TNPO1: variants seen among roughly 807,000 people sequenced by gnomAD.
TNPO1 encodes the protein transportin 1.
In TNPO1, 8 loss-of-function variants were observed where a neutral mutation model predicts 119.5. The observed-to-expected ratio is 0.07, with a 90% CI of 0.04 to 0.12. TNPO1 has a LOEUF of 0.12. Ranked by LOEUF, TNPO1 falls within the 10% of genes least tolerant of loss-of-function variation. TNPO1 has a pLI of 1.00. For missense variants in TNPO1, 576 were observed against 1,089.8 expected, an observed-to-expected ratio of 0.53 and a Z score of 6.64; for synonymous variants, 362 against 363.0, an observed-to-expected ratio of 1.00 and a Z score of 0.03.
At chr5:72,833,421 T>G (rs1210286086) in intron 1 of TNPO1, among the ~76,000 whole-genome samples, 1 of 152,144 alleles carries the variant, frequency 6.6e-6, no homozygotes, top group Non-Finnish European at 1.5e-5. Context: ...TGGGTCTTGA[T>G]TTCCCCATTT....
Position 72,861,822 on chromosome 5 carries a change from A to G in TNPO1, c.370A>G (p.Thr124Ala), listed in dbSNP as rs774704464. 6 of 1,613,576 alleles carry G rather than the reference A, an allele frequency of 3.7e-6. No individual in the cohort carries two copies. In the Admixed American group the frequency reaches 8.3e-5, roughly 22 times the overall value. ...IRATVGILIT[T>A]IASKGELQNW... ...TTTTGTTCAAGGTATTTTGATCACA[A>G]CTATAGCCTCCAAGGGAGAATTGCA... is the stretch of plus-strand genomic sequence containing the variant. Residue 124 changes from threonine to alanine, a missense_variant, in exon 5 of 25, where the codon ACT (threonine) becomes GCT (alanine). This residue lies in a region of TNPO1 where 310 missense variants were observed against 583.0 expected (regional missense o/e 0.53). Coordinates refer to ENST00000337273, the MANE Select transcript of TNPO1 (RefSeq NM_002270.4).
chr5:72,849,556 G>A (rs1019340461), intron 2 of TNPO1, among the ~76,000 whole-genome samples: 1 of 152,150 alleles, frequency 6.6e-6, no homozygotes, highest in Non-Finnish European at 1.5e-5. Context: ...TATTTACCCC[G>A]AGGGTTTCGC....
rs1750500190 is a variant in TNPO1, at chr5:72,910,664, G to A, written c.*1991G>A. ...ATAAGCAGTTGCTCCTCTTTGCATG[G>A]TTCTATTCTCTAAAAGTGTTGAATG... On this transcript the variant is annotated 3_prime_UTR_variant, in exon 25 of 25. Transcript: ENST00000337273. 2 of 152,428 alleles carry A rather than the reference G, an allele frequency of 1.3e-5. No homozygotes were observed. Among genetic ancestry groups the A allele is most frequent in the Admixed American group, 1.3e-4 (2 of 15,254 alleles). The allele number at this position is 152,428 out of a possible 1,614,324, so 9.4% of individuals were successfully genotyped here.
At position 72,897,900 on chromosome 5, in the gene TNPO1, T is replaced by C. The variant is rs554354524; in HGVS notation, c.2338+749T>C. 3.3e-5 allele frequency among the ~76,000 whole-genome samples: 5 copies of C among 152,232 alleles called. No homozygotes were observed. In the South Asian group the frequency reaches 1.0e-3, roughly 32 times the overall value. On this transcript the variant is annotated intron_variant, in intron 20 of 24. Coordinates refer to ENST00000337273, the MANE Select transcript of TNPO1 (RefSeq NM_002270.4). ...CCAAAATACTAGACAAAGATTAAAA[T>C]AAGGTTTTCCAAATAAGAAAGTTAC... is the stretch of plus-strand genomic sequence containing the variant.
At chr5:72,867,944 C>T (rs184427264) in intron 6 of TNPO1, among the ~76,000 whole-genome samples, 1 of 152,276 alleles carries the variant, frequency 6.6e-6, no homozygotes, top group Admixed American at 6.5e-5. Flanking sequence ...ACTTTGCTAT[C>T]ATTAATGATG....
At chr5:72,871,363 A>C (rs1376522434) in intron 6 of TNPO1, among the ~76,000 whole-genome samples, 1 of 152,228 alleles carries the variant, frequency 6.6e-6, no homozygotes, top group Admixed American at 6.5e-5. Flanking sequence ...TGAGCTCCCC[A>C]TAGTATGCTT....
intron 1 of TNPO1, among the ~76,000 whole-genome samples, chr5:72,821,793 G>A (rs1743969697): frequency 6.6e-6 from 1 of 152,162 alleles, no homozygotes; most frequent in African/African-American, 2.4e-5. Context: ...GGAGCATTTT[G>A]GGAACTAGGA....
intron 4 of TNPO1, among the ~76,000 whole-genome samples, chr5:72,858,398 G>T: frequency 6.6e-6 from 1 of 152,128 alleles, no homozygotes; most frequent in Non-Finnish European, 1.5e-5. Flanking sequence ...AAATAAGTTA[G>T]CTAAAAATGA....
chr5:72,896,759 T>G (rs1749459016), intron 19 of TNPO1, among the ~76,000 whole-genome samples: 1 of 151,954 alleles, frequency 6.6e-6, no homozygotes, highest in African/African-American at 2.4e-5. Flanking sequence ...ATCCCAACTA[T>G]TTGGGAGGCT....
chr5:72,820,722 A>G (rs146752289), intron 1 of TNPO1, among the ~76,000 whole-genome samples: 3 of 152,330 alleles, frequency 2.0e-5, no homozygotes, highest in African/African-American at 7.2e-5. Context: ...TATCATATAC[A>G]TATTCAGAAT....
In TNPO1 at chr5:72,914,237, AAG is replaced by A. The variant is rs1487775373; in HGVS notation, c.*5569_*5570del. 8 of 152,720 alleles carry A rather than the reference AAG, an allele frequency of 5.2e-5. No homozygotes were observed. Among genetic ancestry groups the A allele is most frequent in the Non-Finnish European group, 7.4e-5 (5 of 68,006 alleles). 9.5% of individuals were successfully genotyped at this position (152,720 alleles called of 1,614,324 possible). A position where few individuals can be genotyped will look rare whatever the true frequency, so the allele number is the denominator to read the frequency against. On this transcript the variant is annotated 3_prime_UTR_variant, in exon 25 of 25. Coordinates refer to ENST00000337273, the MANE Select transcript of TNPO1 (RefSeq NM_002270.4). ...ATTTTTGATAAGCTGCTGAATTTTAAAGAGAGTTTTTTGGGGCCACCAAATAT... is the reference window on the plus strand; with the variant it reads ...ATTTTTGATAAGCTGCTGAATTTTAAAGAGTTTTTTGGGGCCACCAAATAT...
chr5:72,829,960 C>G (rs1262029020), intron 1 of TNPO1, among the ~76,000 whole-genome samples: 1 of 152,100 alleles, frequency 6.6e-6, no homozygotes, highest in Non-Finnish European at 1.5e-5. Flanking sequence ...TTCCCTTGGC[C>G]TGATACCCCT....
chr5:72,867,936 T>C (rs1747048238), intron 6 of TNPO1, among the ~76,000 whole-genome samples: 1 of 152,206 alleles, frequency 6.6e-6, no homozygotes, highest in Non-Finnish European at 1.5e-5. Context: ...TTGATAATAC[T>C]TTGCTATCAT....
At chr5:72,891,549 C>T (rs1301117696) in intron 14 of TNPO1, among the ~76,000 whole-genome samples, 3 of 152,102 alleles carry the variant, frequency 2.0e-5, no homozygotes, top group African/African-American at 4.8e-5. Flanking sequence ...TATTGATAGA[C>T]TCTTTTTTTC....
At chr5:72,875,812 C>T (rs987671631) in intron 8 of TNPO1, 75 bp downstream of exon 8, 35 of 1,484,778 alleles carry the variant, frequency 2.4e-5, no homozygotes, top group South Asian at 6.3e-5. Context: ...TACAACATAC[C>T]GGATGGGAAG....
At chr5:72,845,721 T>C (rs1745098526) in intron 1 of TNPO1, among the ~76,000 whole-genome samples, 1 of 152,160 alleles carries the variant, frequency 6.6e-6, no homozygotes. Flanking sequence ...CTAAGCTGTT[T>C]GAAAAGAAAA....
intron 1 of TNPO1, among the ~76,000 whole-genome samples, chr5:72,820,617 A>G (rs975232868): frequency 6.6e-6 from 1 of 152,190 alleles, no homozygotes; most frequent in African/African-American, 2.4e-5. Flanking sequence ...ATAGGTAAGT[A>G]CTTTGTCCAA....
intron 8 of TNPO1, among the ~76,000 whole-genome samples, chr5:72,876,824 G>A (rs1180235999): frequency 2.0e-5 from 3 of 152,088 alleles, no homozygotes; most frequent in East Asian, 3.9e-4. Context: ...GCCGGGTGCG[G>A]TGGCTCACAC....
chr5:72,839,324 T>C (rs1744816953), intron 1 of TNPO1, among the ~76,000 whole-genome samples: 1 of 152,208 alleles, frequency 6.6e-6, no homozygotes, highest in African/African-American at 2.4e-5. Flanking sequence ...ATCTAGTTAC[T>C]CATAAGTTGA....
Sources: gnomAD v4.1 joint callset for allele counts (sites outside exome capture counted in the v4.1 genomes callset) on GRCh38, gnomAD v4.1.1 for gene constraint, gnomAD v4.1.1 regional missense constraint, MANE v1.5 for transcripts, NCBI Gene and HGNC (gene_info 2026-07-23, HGNC 2026-07-21) for gene names.